PRCP: variants seen among roughly 807,000 people sequenced by gnomAD.
The protein encoded by PRCP is lysosomal Pro-X carboxypeptidase.
PRCP carries 46 observed loss-of-function variants against 54.2 expected under a neutral mutation model. That is an observed-to-expected ratio of 0.85 (90% CI 0.67 to 1.09). The LOEUF (loss-of-function observed/expected upper bound fraction) is 1.09. PRCP is among the 50% of genes least tolerant of loss of function. The probability of loss-of-function intolerance (pLI) is 0.00; values close to 1 mark genes in which losing one functional copy is unlikely to be tolerated. For missense variants in PRCP, 613 were observed against 596.8 expected, an observed-to-expected ratio of 1.03 and a Z score of -0.28; for synonymous variants, 240 against 212.2, an observed-to-expected ratio of 1.13 and a Z score of -1.14.
chr11:82,878,885 T>G (rs74954373), intron 1 of PRCP, among the ~76,000 whole-genome samples: 2 of 152,180 alleles, frequency 1.3e-5, no homozygotes, highest in Non-Finnish European at 2.9e-5. Context: ...TCTTGTAGAG[T>G]TTCTGCCAAG....
At chr11:82,841,268 GAA>G (rs35181078) in intron 6 of PRCP, among the ~76,000 whole-genome samples, 2 of 141,082 alleles carry the variant, frequency 1.4e-5, no homozygotes, top group African/African-American at 2.6e-5. Flanking sequence ...GCCAGCGGGG[GAA>G]AAAAAAAAAA....
At chr11:82,840,101 C>T (rs1858625707) in intron 6 of PRCP, 1 of 151,554 alleles carries the variant, frequency 6.6e-6, no homozygotes, top group African/African-American at 2.4e-5. Flanking sequence ...AAAACTATAC[C>T]AAGTTCCAGC....
chr11:82,833,549 T>A (rs1010256430), intron 8 of PRCP, among the ~76,000 whole-genome samples: 13 of 152,156 alleles, frequency 8.5e-5, no homozygotes, highest in Non-Finnish European at 1.5e-4. Flanking sequence ...TCCTCCAGGA[T>A]CTAGAGCCAT....
chr11:82,888,056 C>G (rs1859908279), intron 1 of PRCP, among the ~76,000 whole-genome samples: 1 of 152,174 alleles, frequency 6.6e-6, no homozygotes, highest in Non-Finnish European at 1.5e-5. Flanking sequence ...ACTCCCATAT[C>G]ACATAAAACT....
At chr11:82,856,345 G>T (rs938422331) in intron 2 of PRCP, among the ~76,000 whole-genome samples, 12 of 152,196 alleles carry the variant, frequency 7.9e-5, no homozygotes, top group Middle Eastern at 3.4e-3. Context: ...CCATTAAAAA[G>T]AACAAAATAA....
intron 8 of PRCP, chr11:82,829,925 T>A (rs1311788783): frequency 6.6e-6 from 1 of 152,188 alleles, no homozygotes; most frequent in South Asian, 2.1e-4. Flanking sequence ...AATAGAAATA[T>A]AAAGAGATTA....
intron 1 of PRCP, among the ~76,000 whole-genome samples, chr11:82,893,690 T>C (rs1045390652): frequency 6.6e-6 from 1 of 152,104 alleles, no homozygotes; most frequent in Non-Finnish European, 1.5e-5. Context: ...CTACCCGGGA[T>C]GCTGAGGTGG....
At chr11:82,876,590 A>G (rs1859607667) in intron 1 of PRCP, among the ~76,000 whole-genome samples, 2 of 152,134 alleles carry the variant, frequency 1.3e-5, no homozygotes, top group South Asian at 4.1e-4. Context: ...AAGTCTCGTG[A>G]TAGTGAATAA....
At chr11:82,860,847 G>A (rs546816671) in intron 1 of PRCP, among the ~76,000 whole-genome samples, 57 of 152,242 alleles carry the variant, frequency 3.7e-4, no homozygotes, top group African/African-American at 1.4e-3. Context: ...GTGGCTGATT[G>A]ACATTTGGGA....
chr11:82,852,044 CT>C (rs1280192122), intron 3 of PRCP, among the ~76,000 whole-genome samples: 2 of 152,198 alleles, frequency 1.3e-5, no homozygotes, highest in African/African-American at 4.8e-5. Context: ...AAAAGAGCCC[CT>C]GGCTCCATTT....
intron 1 of PRCP, among the ~76,000 whole-genome samples, chr11:82,869,281 A>G (rs1269266929): frequency 6.6e-6 from 1 of 151,038 alleles, no homozygotes; most frequent in East Asian, 2.0e-4. Flanking sequence ...CCTTGAGCCC[A>G]GAAGTTCAAG....
At chr11:82,857,276 G>C (rs1450439382) in intron 2 of PRCP, among the ~76,000 whole-genome samples, 2 of 152,138 alleles carry the variant, frequency 1.3e-5, no homozygotes, top group African/African-American at 4.8e-5. Flanking sequence ...ACTGTTCTAA[G>C]CATTTCATAT....
intron 1 of PRCP, among the ~76,000 whole-genome samples, chr11:82,863,182 G>A (rs1010380148): frequency 1.3e-5 from 2 of 152,322 alleles, no homozygotes; most frequent in East Asian, 3.9e-4. Flanking sequence ...TTAACAAGCC[G>A]TACAGGTGAT....
intron 1 of PRCP, among the ~76,000 whole-genome samples, chr11:82,893,948 T>C (rs898272354): frequency 1.3e-5 from 2 of 152,244 alleles, no homozygotes; most frequent in Non-Finnish European, 1.5e-5. Flanking sequence ...TGGTAGTAAA[T>C]TACTATCATT....
At chr11:82,885,010 A>G in intron 1 of PRCP, 4 of 1,384,044 alleles carry the variant, frequency 2.9e-6, no homozygotes, top group Non-Finnish European at 3.8e-6. Flanking sequence ...AAAAAATATG[A>G]TATAAAACTT....
Position 82,871,258 on chromosome 11 carries a change from C to T in PRCP, c.169-11141G>A, listed in dbSNP as rs577998967. On this transcript the variant is annotated intron_variant, in intron 1 of 8. Transcript: ENST00000313010. ...TGCAGTGGCATGATCTTGGCTCGTGCAAACTTCGTCTCCTGGGTTCAAGCA... is the reference window on the plus strand; with the variant it reads ...TGCAGTGGCATGATCTTGGCTCGTGTAAACTTCGTCTCCTGGGTTCAAGCA... Among the ~76,000 whole-genome samples, 42 of 145,950 alleles carry T rather than the reference C, an allele frequency of 2.9e-4. No individual in the cohort carries two copies. The South Asian group carries it at 8.8e-3, about 31-fold the overall frequency.
At chr11:82,855,409 G>A (rs983728020) in intron 2 of PRCP, among the ~76,000 whole-genome samples, 2 of 152,000 alleles carry the variant, frequency 1.3e-5, no homozygotes, top group Non-Finnish European at 2.9e-5. Flanking sequence ...ACAAGGTCAG[G>A]AGATCGAGAC....
chr11:82,889,314 T>G (rs1159232817), intron 1 of PRCP, among the ~76,000 whole-genome samples: 3 of 151,094 alleles, frequency 2.0e-5, no homozygotes, highest in Admixed American at 2.0e-4. Flanking sequence ...CAGTGGGCTA[T>G]GATCACAACA....
At chr11:82,863,313 G>T (rs1435181287) in intron 1 of PRCP, among the ~76,000 whole-genome samples, 1 of 152,212 alleles carries the variant, frequency 6.6e-6, no homozygotes, top group East Asian at 1.9e-4. Context: ...TCATCATGCT[G>T]AATGAGACTC....
Sources: gnomAD v4.1 joint callset for allele counts (sites outside exome capture counted in the v4.1 genomes callset) on GRCh38, gnomAD v4.1.1 for gene constraint, MANE v1.5 for transcripts, NCBI Gene and HGNC (gene_info 2026-07-23, HGNC 2026-07-21) for gene names.